ESRRG: variants seen among roughly 807,000 people sequenced by gnomAD.
ESRRG encodes estrogen related receptor gamma.
ESRRG carries 13 observed loss-of-function variants against 44.0 expected under a neutral mutation model. The ratio of observed to expected loss-of-function variants is 0.30; its 90% CI spans 0.19 to 0.47. The LOEUF (loss-of-function observed/expected upper bound fraction) is 0.47, where lower values mean the gene tolerates loss of function less well. Among genes scored for constraint, ESRRG ranks in the 20% least tolerant of loss-of-function variants. The pLI, the probability that ESRRG is intolerant of heterozygous loss-of-function variation, is 1.00. For synonymous variants in ESRRG, 215 were observed against 214.6 expected, an observed-to-expected ratio of 1.00 and a Z score of -0.02; for missense variants, 395 against 580.6, an observed-to-expected ratio of 0.68 and a Z score of 3.29.
chr1:216,971,875 T>C (rs528953806), intron 1 of ESRRG, among the ~76,000 whole-genome samples: 1 of 152,328 alleles, frequency 6.6e-6, no homozygotes, highest in African/African-American at 2.4e-5. Flanking sequence ...TTATCTCTTT[T>C]CCTTCAGCTA....
chr1:216,896,699 T>G (rs1439021866), intron 2 of ESRRG, among the ~76,000 whole-genome samples: 1 of 152,294 alleles, frequency 6.6e-6, no homozygotes, highest in Non-Finnish European at 1.5e-5. Context: ...TCATGGTTGA[T>G]TAGAGCTGTT....
chr1:216,860,092 C>T (rs1024564826), intron 2 of ESRRG, among the ~76,000 whole-genome samples: 6 of 152,144 alleles, frequency 3.9e-5, no homozygotes, highest in South Asian at 2.1e-4. Flanking sequence ...GGTGAAACTC[C>T]GTCTCCACTA....
intron 3 of ESRRG, among the ~76,000 whole-genome samples, chr1:216,582,543 C>T (rs569066465): frequency 3.9e-5 from 6 of 152,212 alleles, no homozygotes; most frequent in African/African-American, 7.2e-5. Context: ...CAGGTTCCAG[C>T]GATTCTCTTG....
chr1:216,523,482 C>A (rs1181096183), intron 5 of ESRRG, among the ~76,000 whole-genome samples: 2 of 143,638 alleles, frequency 1.4e-5, no homozygotes, highest in African/African-American at 2.6e-5. Flanking sequence ...GGGCACTCAT[C>A]AAGCACTGTT....
intron 2 of ESRRG, among the ~76,000 whole-genome samples, chr1:216,831,979 G>T (rs2095494753): frequency 6.6e-6 from 1 of 152,180 alleles, no homozygotes. Context: ...AGAGCTGCCT[G>T]TCTGCAAATG....
At chr1:216,627,294 A>G (rs956444955) in intron 3 of ESRRG, among the ~76,000 whole-genome samples, 3 of 152,126 alleles carry the variant, frequency 2.0e-5, no homozygotes, top group African/African-American at 7.2e-5. Context: ...TGGTCACTCA[A>G]TCCTTTCTCT....
intron 2 of ESRRG, among the ~76,000 whole-genome samples, chr1:216,829,504 A>G (rs7531310): frequency 0.59 from 90,104 of 151,574 alleles, 27,273 homozygotes; most frequent in Non-Finnish European, 0.63. Flanking sequence ...AGTAAGGGCA[A>G]AAGCTAGGAC....
intron 2 of ESRRG, among the ~76,000 whole-genome samples, chr1:216,858,192 C>T (rs1194053278): frequency 1.5e-5 from 2 of 136,310 alleles, no homozygotes; most frequent in Non-Finnish European, 3.1e-5. Flanking sequence ...AATCCCAGCA[C>T]TTTGGGAGGC....
intron 2 of ESRRG, among the ~76,000 whole-genome samples, chr1:216,900,160 G>A (rs1560036142): frequency 6.6e-6 from 1 of 152,106 alleles, no homozygotes; most frequent in Non-Finnish European, 1.5e-5. Context: ...TAAACAATAA[G>A]GCATGGATAT....
At chr1:216,741,465 TAC>T (rs932154245) in intron 2 of ESRRG, among the ~76,000 whole-genome samples, 12 of 113,668 alleles carry the variant, frequency 1.1e-4, no homozygotes, top group South Asian at 9.3e-4. Context: ...CCCCTACACA[TAC>T]ACACACACAC....
intron 3 of ESRRG, among the ~76,000 whole-genome samples, chr1:216,574,249 T>C (rs1271409018): frequency 2.6e-5 from 4 of 152,150 alleles, no homozygotes; most frequent in Non-Finnish European, 5.9e-5. Context: ...TTGCTTCTTC[T>C]TTCATATACT....
At chr1:216,548,934 A>G (rs1478037282) in intron 5 of ESRRG, among the ~76,000 whole-genome samples, 1 of 152,154 alleles carries the variant, frequency 6.6e-6, no homozygotes, top group African/African-American at 2.4e-5. Flanking sequence ...ATTAAGTAAG[A>G]TTCCAAAGAA....
intron 5 of ESRRG, among the ~76,000 whole-genome samples, chr1:216,542,063 T>G (rs1365895246): frequency 7.3e-6 from 1 of 137,678 alleles, no homozygotes; most frequent in Admixed American, 7.6e-5. Context: ...ATAAGGTGTG[T>G]GTCTATGACA....
At chr1:216,721,829 CTTTG>C (rs1299009301) in intron 1 of ESRRG, among the ~76,000 whole-genome samples, 14 of 152,152 alleles carry the variant, frequency 9.2e-5, no homozygotes, top group Non-Finnish European at 1.8e-4. Flanking sequence ...GCAGTCTTAC[CTTTG>C]TTTATTTTTC....
chr1:216,575,515 A>C (rs2061538250), intron 3 of ESRRG, among the ~76,000 whole-genome samples: 1 of 152,160 alleles, frequency 6.6e-6, no homozygotes. Context: ...TTGGTTATTG[A>C]GAACTTATCA....
At chr1:216,528,255 T>G (rs1057257024) in intron 5 of ESRRG, among the ~76,000 whole-genome samples, 3 of 152,202 alleles carry the variant, frequency 2.0e-5, no homozygotes, top group African/African-American at 7.2e-5. Flanking sequence ...TAAGTGCCTA[T>G]AAAGTATATA....
intron 1 of ESRRG, among the ~76,000 whole-genome samples, chr1:217,087,085 G>A (rs1191733486): frequency 6.6e-6 from 1 of 152,162 alleles, no homozygotes; most frequent in Non-Finnish European, 1.5e-5. Flanking sequence ...TTCAGGTAAG[G>A]TGCATAGCAT....
chr1:216,529,151 A>G (rs2048536802), intron 5 of ESRRG, among the ~76,000 whole-genome samples: 1 of 152,188 alleles, frequency 6.6e-6, no homozygotes, highest in African/African-American at 2.4e-5. Context: ...GGGAACCTGC[A>G]TAACTATAGA....
intron 2 of ESRRG, among the ~76,000 whole-genome samples, chr1:216,660,200 T>C (rs2071910370): frequency 6.6e-6 from 1 of 152,174 alleles, no homozygotes; most frequent in Non-Finnish European, 1.5e-5. Flanking sequence ...CTAGAACCTA[T>C]GATTGCTCCA....
Sources: gnomAD v4.1 joint callset for allele counts (sites outside exome capture counted in the v4.1 genomes callset) on GRCh38, gnomAD v4.1.1 for gene constraint, MANE v1.5 for transcripts, NCBI Gene and HGNC (gene_info 2026-07-23, HGNC 2026-07-21) for gene names.